The following UBN2 variants were observed in gnomAD, a reference collection of about 807,000 sequenced individuals.
UBN2 encodes ubinuclein-2.
UBN2 carries 35 observed loss-of-function variants against 120.2 expected under a neutral mutation model. The ratio of observed to expected loss-of-function variants is 0.29; its 90% CI spans 0.22 to 0.39. The LOEUF is 0.39. Among genes scored for constraint, UBN2 ranks in the 10% least tolerant of loss-of-function variants. UBN2 has a pLI of 1.00. For missense variants in UBN2, 1,693 were observed against 1,663.2 expected, an observed-to-expected ratio of 1.02 and a Z score of -0.31; for synonymous variants, 661 against 648.7, an observed-to-expected ratio of 1.02 and a Z score of -0.29.
intron 2 of UBN2, among the ~76,000 whole-genome samples, chr7:139,243,287 C>T (rs930611666): frequency 2.6e-5 from 4 of 151,948 alleles, no homozygotes; most frequent in African/African-American, 9.7e-5. Context: ...TAGCAAAATT[C>T]AAGGGTTTTT....
At chr7:139,273,516 A>T (rs865984523) in intron 10 of UBN2, 106 bp downstream of exon 10, 29 of 747,282 alleles carry the variant, frequency 3.9e-5, no homozygotes, top group Middle Eastern at 3.8e-4. Context: ...GCAACCAAAG[A>T]TTAGTGTGTA....
At chr7:139,275,482 C>CT (rs1486926884) in intron 11 of UBN2, among the ~76,000 whole-genome samples, 3 of 151,432 alleles carry the variant, frequency 2.0e-5, no homozygotes, top group Non-Finnish European at 4.4e-5. Flanking sequence ...ACTCGGGAGG[C>CT]TGAGGCAGGA....
chr7:139,279,401 G>C, intron 13 of UBN2, 41 bp downstream of exon 13: 1 of 1,488,382 alleles, frequency 6.7e-7, no homozygotes, highest in East Asian at 2.3e-5. Flanking sequence ...TATAGTTGGT[G>C]AATGTTGAAA....
At chr7:139,312,735 A>G (rs1459770247), downstream of UBN2, among the ~76,000 whole-genome samples, 1 of 152,246 alleles carries the variant, frequency 6.6e-6, no homozygotes, top group East Asian at 1.9e-4. Context: ...GCCCTACACC[A>G]CAAAGATATC....
At chr7:139,247,836 C>G (rs182574196) in intron 2 of UBN2, among the ~76,000 whole-genome samples, 8 of 152,228 alleles carry the variant, frequency 5.3e-5, no homozygotes, top group Admixed American at 1.3e-4. Context: ...TGTGCTGATG[C>G]CTTCCACTTG....
chr7:139,262,755 A>G (rs890470569), intron 6 of UBN2, among the ~76,000 whole-genome samples: 4 of 151,682 alleles, frequency 2.6e-5, no homozygotes, highest in African/African-American at 9.7e-5. Context: ...AGAAATAACT[A>G]TAGTGATAAC....
the UBN2 span, chr7:139,315,205 G>A: frequency 6.6e-6 from 1 of 151,136 alleles, no homozygotes; most frequent in South Asian, 2.1e-4. Flanking sequence ...TCGATCTCCT[G>A]ACCTCGTGAT....
intron 2 of UBN2, among the ~76,000 whole-genome samples, chr7:139,242,001 C>T (rs564867347): frequency 6.6e-6 from 1 of 150,656 alleles, no homozygotes; most frequent in Admixed American, 6.6e-5. Context: ...CCAGCTCCCC[C>T]CCCCAAAAAA....
At chr7:139,310,388 AC>A (rs1402838490), downstream of UBN2, among the ~76,000 whole-genome samples, 1 of 152,142 alleles carries the variant, frequency 6.6e-6, no homozygotes, top group East Asian at 1.9e-4. Context: ...AGCAAATCTT[AC>A]CCACAATCCC....
chr7:139,299,957 T>A lies in UBN2; in HGVS notation c.*2121T>A, dbSNP rs956163919. 1.3e-5 allele frequency: 2 copies of A among 152,268 alleles called. No homozygotes were observed. Among genetic ancestry groups the A allele is most frequent in the East Asian group, 3.9e-4 (2 of 5,190 alleles). The allele number at this position is 152,268 out of a possible 1,614,324, so 9.4% of individuals were successfully genotyped here. On this transcript the variant is annotated 3_prime_UTR_variant, in exon 18 of 18. Coordinates refer to ENST00000473989, the MANE Select transcript of UBN2 (RefSeq NM_173569.4). ...GTATTAATTTCTCTTCCTGAATACTTGTATATATGTTTGTCTGTATGTATA... is the reference window on the plus strand; with the variant it reads ...GTATTAATTTCTCTTCCTGAATACTAGTATATATGTTTGTCTGTATGTATA...
At chr7:139,265,186 C>G (rs897791798) in intron 6 of UBN2, among the ~76,000 whole-genome samples, 1 of 152,022 alleles carries the variant, frequency 6.6e-6, no homozygotes, top group Non-Finnish European at 1.5e-5. Context: ...TTCTTAGGAT[C>G]ACAACTTTTA....
intron 2 of UBN2, among the ~76,000 whole-genome samples, chr7:139,237,380 T>C (rs1429136355): frequency 6.6e-6 from 1 of 152,176 alleles, no homozygotes; most frequent in East Asian, 1.9e-4. Flanking sequence ...CACTGCAACC[T>C]CCGCCTCCCA....
chr7:139,327,080 C>A, the UBN2 span, among the ~76,000 whole-genome samples: 1 of 152,200 alleles, frequency 6.6e-6, no homozygotes, highest in African/African-American at 2.4e-5. Context: ...GTTGCCCAGG[C>A]TGGAATGCAA....
chr7:139,312,077 A>G (rs1024832261), downstream of UBN2, among the ~76,000 whole-genome samples: 6 of 152,210 alleles, frequency 3.9e-5, no homozygotes, highest in African/African-American at 7.2e-5. Context: ...TAATGCGTCA[A>G]TCATATGCCT....
chr7:139,232,257 C>T (rs997181772), intron 1 of UBN2, among the ~76,000 whole-genome samples: 22 of 152,270 alleles, frequency 1.4e-4, no homozygotes, highest in African/African-American at 5.1e-4. Flanking sequence ...TCTTTCCTTT[C>T]TGCTCCCCAC....
chr7:139,303,379 A>C lies in UBN2; in HGVS notation c.*5543A>C. On this transcript the variant is annotated 3_prime_UTR_variant, in exon 18 of 18. Coordinates refer to ENST00000473989, the MANE Select transcript of UBN2 (RefSeq NM_173569.4). The stretch of plus-strand genomic sequence containing the variant: ...CCTCAGACCCAGTACAAATATACCT[A>C]GTAAGTGCCCCCCTTTCAATACATT... 1 of 152,204 alleles carries C rather than the reference A, an allele frequency of 6.6e-6. No individual in the cohort carries two copies. 9.4% of individuals were successfully genotyped at this position (152,204 alleles called of 1,614,324 possible). A position where few individuals can be genotyped will look rare whatever the true frequency, so the allele number is the denominator to read the frequency against.
chr7:139,231,896 G>T lies in UBN2; in HGVS notation c.412G>T (p.Asp138Tyr), dbSNP rs750704192. ...RLELVLKDPT[D>Y]ESCVEFSYPE... is the part of the protein sequence containing the mutation. ...GGAGCTGGTGCTTAAGGACCCCACC[G>T]ACGAGAGCTGCGTGGAGTTCAGTTA... is the stretch of plus-strand genomic sequence containing the variant. The change falls in exon 1 of 18, where the codon GAC becomes TAC. Residue 138 changes from aspartate to tyrosine, a missense_variant. This residue lies in a region of UBN2 where 663 missense variants were observed against 591.2 expected (regional missense o/e 1.12). Coordinates refer to ENST00000473989, the MANE Select transcript of UBN2 (RefSeq NM_173569.4). 7 of 1,587,526 alleles carry T rather than the reference G, an allele frequency of 4.4e-6. No individual in the cohort carries two copies. The highest frequency in any genetic ancestry group is 1.1e-5 in the South Asian group (1 of 90,714).
At chr7:139,314,242 G>T in the UBN2 span, among the ~76,000 whole-genome samples, 1 of 150,098 alleles carries the variant, frequency 6.7e-6, no homozygotes, top group Non-Finnish European at 1.5e-5. Context: ...GGATCACAAG[G>T]TCAGGAGTTC....
At chr7:139,243,888 G>A (rs902175266) in intron 2 of UBN2, among the ~76,000 whole-genome samples, 2 of 152,086 alleles carry the variant, frequency 1.3e-5, no homozygotes, top group Admixed American at 1.3e-4. Context: ...TCAAATACAC[G>A]TTTTCCAAAA....
Sources: gnomAD v4.1 joint callset for allele counts (sites outside exome capture counted in the v4.1 genomes callset) on GRCh38, gnomAD v4.1.1 for gene constraint, gnomAD v4.1.1 regional missense constraint, MANE v1.5 for transcripts, NCBI Gene and HGNC (gene_info 2026-07-23, HGNC 2026-07-21) for gene names.